The following RXRG variants were observed in gnomAD, a reference collection of about 807,000 sequenced individuals.
The protein encoded by RXRG is retinoid X receptor gamma.
A neutral mutation model predicts 49.2 loss-of-function variants in RXRG; 19 were observed. The observed-to-expected ratio is 0.39, with a 90% CI of 0.27 to 0.57. The LOEUF (loss-of-function observed/expected upper bound fraction) is 0.57. RXRG is among the 20% of genes least tolerant of loss of function. RXRG has a pLI of 0.64. For missense variants in RXRG, 452 were observed against 592.5 expected, an observed-to-expected ratio of 0.76 and a Z score of 2.46; for synonymous variants, 224 against 216.6, an observed-to-expected ratio of 1.03 and a Z score of -0.30.
intron 2 of RXRG, among the ~76,000 whole-genome samples, chr1:165,421,380 C>T (rs779832083): frequency 2.0e-5 from 3 of 152,182 alleles, no homozygotes; most frequent in South Asian, 4.2e-4. Flanking sequence ...TATGAGAAGA[C>T]ATGTGGAACT....
At chr1:165,436,598 G>A (rs193070594) in intron 1 of RXRG, among the ~76,000 whole-genome samples, 30 of 152,192 alleles carry the variant, frequency 2.0e-4, no homozygotes, top group Non-Finnish European at 3.8e-4. Context: ...ATTCTGCCTC[G>A]GAGGGAGCAC....
Position 165,410,739 on chromosome 1 carries a change from G to T in RXRG, c.876C>A (p.Asp292Glu), listed in dbSNP as rs1439510091. Residue 292 changes from aspartate to glutamate, a missense_variant, in exon 6 of 10, where the codon GAC becomes GAA. Coordinates refer to ENST00000359842, the MANE Select transcript of RXRG (RefSeq NM_006917.5). ...EWAKRIPHFSDLTLEDQVILL... is the reference protein window; with the variant it reads ...EWAKRIPHFSELTLEDQVILL... The stretch of plus-strand genomic sequence containing the variant: ...AAATGACCTGGTCCTCCAAGGTGAG[G>T]TCAGAGAAGTGGGGAATACGCTTGG... 1 of 1,614,082 alleles carries T rather than the reference G, an allele frequency of 6.2e-7. No homozygotes were observed. The highest frequency in any genetic ancestry group is 8.5e-7 in the Non-Finnish European group (1 of 1,180,014).
At position 165,402,483 on chromosome 1, in the gene RXRG, T is replaced by C. The variant is rs190849706; in HGVS notation, c.1245-1073A>G. 2.0e-5 allele frequency among the ~76,000 whole-genome samples: 3 copies of C among 152,330 alleles called. No homozygotes were observed. The East Asian group carries it at 5.8e-4, about 29-fold the overall frequency. On this transcript the variant is annotated intron_variant, in intron 9 of 9. Coordinates refer to ENST00000359842, the MANE Select transcript of RXRG (RefSeq NM_006917.5). ...GTCTCTGCCCTTGAGGAGTCTATGG[T>C]CTGTTTGGGGAGAGGATACATGGCA...
intron 1 of RXRG, among the ~76,000 whole-genome samples, chr1:165,430,340 G>A (rs10489747): frequency 0.099 from 15,132 of 152,244 alleles, 947 homozygotes; most frequent in African/African-American, 0.17. Context: ...CAACATCAGT[G>A]GGTGCTAAGT....
chr1:165,444,453 A>C (rs757798552), intron 1 of RXRG, among the ~76,000 whole-genome samples: 2 of 152,214 alleles, frequency 1.3e-5, no homozygotes, highest in Non-Finnish European at 2.9e-5. Flanking sequence ...ATTTTTTCTC[A>C]TTACAAGTTG....
At chr1:165,424,152 A>T (rs157875) in intron 2 of RXRG, among the ~76,000 whole-genome samples, 1 of 152,088 alleles carries the variant, frequency 6.6e-6, no homozygotes, top group African/African-American at 2.4e-5. Context: ...ATATCACATT[A>T]TCTACAAAGT....
At chr1:165,416,435 G>A (rs938555746) in intron 4 of RXRG, among the ~76,000 whole-genome samples, 2 of 151,540 alleles carry the variant, frequency 1.3e-5, no homozygotes, top group Non-Finnish European at 2.9e-5. Flanking sequence ...ACACAGTGGT[G>A]GTCTCTCTGA....
intron 8 of RXRG, among the ~76,000 whole-genome samples, chr1:165,407,596 C>A (rs1455996366): frequency 6.6e-6 from 1 of 152,170 alleles, no homozygotes; most frequent in African/African-American, 2.4e-5. Flanking sequence ...TGATCTCACC[C>A]CAGTGTCACA....
Position 165,428,723 on chromosome 1 carries a change from G to A in RXRG, c.293C>T (p.Ser98Phe), listed in dbSNP as rs746975087. ...TTGGAGAGGAAGAACACTTACCTGAGAGCTGGGTGGGGCAACCAAGTTGAT... is the reference window on the plus strand; with the variant it reads ...TTGGAGAGGAAGAACACTTACCTGAAAGCTGGGTGGGGCAACCAAGTTGAT... ...PGINLVAPPS[S>F]QLNVVNSVSS... The change falls in exon 2 of 10, where the codon TCT becomes TTT. Residue 98 changes from serine to phenylalanine, a missense_variant. Physicochemically the swap from Ser to Phe is radical, Grantham distance 155. This residue lies in a region of RXRG where 166 missense variants were observed against 151.7 expected (regional missense o/e 1.09). Coordinates refer to ENST00000359842, the MANE Select transcript of RXRG (RefSeq NM_006917.5). The A allele has an allele frequency of 6.3e-7, 1 of 1,593,750 alleles. No individual in the cohort carries two copies. The highest frequency in any genetic ancestry group is 8.6e-7 in the Non-Finnish European group (1 of 1,166,890).
chr1:165,423,265 C>A (rs1658380336), intron 2 of RXRG, among the ~76,000 whole-genome samples: 1 of 152,208 alleles, frequency 6.6e-6, no homozygotes, highest in African/African-American at 2.4e-5. Flanking sequence ...CCATTAGAAA[C>A]AGTCTACTGA....
chr1:165,414,137 T>A (rs1305918073), intron 4 of RXRG, among the ~76,000 whole-genome samples: 1 of 152,206 alleles, frequency 6.6e-6, no homozygotes, highest in African/African-American at 2.4e-5. Flanking sequence ...AGGAATTGAT[T>A]CACTTCTTTG....
In RXRG at chr1:165,411,128, T is replaced by C. The variant is rs373271037; in HGVS notation, c.623-19A>G. 3.1e-5 allele frequency: 50 copies of C among 1,611,848 alleles called. No homozygotes were observed. Among genetic ancestry groups the C allele is most frequent in the Non-Finnish European group, 1.4e-5 (16 of 1,179,028 alleles). On this transcript the variant is annotated intron_variant, in intron 4 of 9. Coordinates refer to ENST00000359842, the MANE Select transcript of RXRG (RefSeq NM_006917.5). ...TGCACAGCTGACATGCAGCAGGACA[T>C]GCAGAGGTTACCATAATGCCCAGGA...
chr1:165,416,782 G>A (rs1658139006), intron 4 of RXRG, among the ~76,000 whole-genome samples: 1 of 152,186 alleles, frequency 6.6e-6, no homozygotes, highest in Non-Finnish European at 1.5e-5. Flanking sequence ...ATGTGGAGGA[G>A]GAAGATGCCT....
rs283696 is a variant in RXRG, at chr1:165,406,806, T to C, written c.1244+6A>G. ...TGTTACTACGATTCTGCCAGCACTG[T>C]CTCACCTGCCTGGCTGTTCCGGATA... On this transcript the variant is annotated splice_donor_region_variant and intron_variant, in intron 9 of 9. Transcript: ENST00000359842. 1,296,326 of 1,608,144 alleles carry C rather than the reference T, an allele frequency of 0.81. 524,306 individuals carry two copies. Among genetic ancestry groups the C allele is most frequent in the East Asian group, 0.94 (42,042 of 44,844 alleles).
intron 1 of RXRG, among the ~76,000 whole-genome samples, chr1:165,444,463 G>A (rs1047745864): frequency 1.3e-5 from 2 of 152,076 alleles, no homozygotes. Flanking sequence ...ATTACAAGTT[G>A]GCTAATAGGA....
At chr1:165,418,562 G>A (rs3767343) in intron 3 of RXRG, among the ~76,000 whole-genome samples, 66,021 of 152,010 alleles carry the variant, frequency 0.43, 15,529 homozygotes, top group South Asian at 0.57. Flanking sequence ...CCTGCCTGAA[G>A]AAAAGCCAGC....
intron 1 of RXRG, chr1:165,436,843 G>A (rs533987228): frequency 4.4e-6 from 4 of 903,728 alleles, no homozygotes; most frequent in East Asian, 9.2e-5. Flanking sequence ...GACAGAAGTG[G>A]GGGACAGCAA....
intron 1 of RXRG, among the ~76,000 whole-genome samples, chr1:165,436,762 A>G (rs979706098): frequency 6.6e-6 from 1 of 152,042 alleles, no homozygotes; most frequent in Non-Finnish European, 1.5e-5. Context: ...GACCCCCTCC[A>G]TTTCCTCAAA....
chr1:165,434,271 CATGTGTGTATGTGTGTGT>C (rs1176586683), intron 1 of RXRG, among the ~76,000 whole-genome samples: 1 of 120,716 alleles, frequency 8.3e-6, no homozygotes, highest in Non-Finnish European at 1.7e-5. Context: ...CAATGAATTG[CATGTGTGTATGTGTGTGT>C]GTGTGTGTGT....
Sources: allele counts gnomAD v4.1 joint callset (sites outside exome capture counted in the v4.1 genomes callset), GRCh38; gene constraint gnomAD v4.1.1; regional missense constraint gnomAD v4.1.1; transcripts MANE v1.5; gene names NCBI Gene and HGNC (gene_info 2026-07-23, HGNC 2026-07-21).